GBE1: variants seen among roughly 807,000 people sequenced by gnomAD.
GBE1 encodes the protein 1,4-alpha-glucan branching enzyme 1, also known as 1,4-alpha-glucan-branching enzyme.
In GBE1, 70 loss-of-function variants were observed where a neutral mutation model predicts 88.8. The ratio of observed to expected loss-of-function variants is 0.79; its 90% confidence interval spans 0.65 to 0.96. The LOEUF is 0.96. Among genes scored for constraint, GBE1 ranks in the 40% least tolerant of loss-of-function variants. The pLI, the probability that GBE1 is intolerant of heterozygous loss-of-function variation, is 0.00. For missense variants in GBE1, 872 were observed against 871.0 expected (o/e 1.00, Z -0.01); for synonymous variants, 284 against 300.1 (o/e 0.95, Z 0.56).
chr3:81,509,295 T>C (rs943145152), intron 14 of GBE1, among the ~76,000 whole-genome samples: 1 of 83,920 alleles, frequency 1.2e-5, no homozygotes, highest in Non-Finnish European at 2.8e-5. Context: ...AGGGTTTGTC[T>C]TTTTTTTTTT....
chr3:81,565,533 T>C (rs976910268), intron 12 of GBE1, among the ~76,000 whole-genome samples: 1 of 152,134 alleles, frequency 6.6e-6, no homozygotes, highest in South Asian at 2.1e-4. Flanking sequence ...TAGGACAAAA[T>C]CCATCCAACT....
At chr3:81,508,484 C>T (rs1045392683) in intron 14 of GBE1, among the ~76,000 whole-genome samples, 1 of 152,008 alleles carries the variant, frequency 6.6e-6, no homozygotes, top group Admixed American at 6.6e-5. Context: ...TTTTTATTCA[C>T]CTTTTTAACC....
intron 14 of GBE1, among the ~76,000 whole-genome samples, chr3:81,501,685 A>ATTTTTTT (rs1702588024): frequency 1.6e-5 from 1 of 61,216 alleles, no homozygotes; most frequent in Non-Finnish European, 2.9e-5. Flanking sequence ...ACTTAGGGGC[A>ATTTTTTT]CTTTTTTTTT....
chr3:81,748,629 C>T (rs1406481036), intron 1 of GBE1, among the ~76,000 whole-genome samples: 2 of 151,066 alleles, frequency 1.3e-5, no homozygotes, highest in African/African-American at 4.9e-5. Flanking sequence ...ACAACAACAA[C>T]AACAAAAATT....
chr3:81,507,791 G>C (rs1291829684), intron 14 of GBE1, among the ~76,000 whole-genome samples: 1 of 151,948 alleles, frequency 6.6e-6, no homozygotes, highest in Non-Finnish European at 1.5e-5. Context: ...TCAAATGTGT[G>C]AACACTGTCT....
chr3:81,517,953 G>C (rs1433891362), intron 14 of GBE1, among the ~76,000 whole-genome samples: 1 of 151,230 alleles, frequency 6.6e-6, no homozygotes, highest in Non-Finnish European at 1.5e-5. Context: ...CAGGTACCTA[G>C]TGTATTCTAA....
intron 15 of GBE1, among the ~76,000 whole-genome samples, chr3:81,492,458 C>G (rs1159085996): frequency 1.3e-5 from 2 of 151,602 alleles, no homozygotes; most frequent in African/African-American, 2.4e-5. Flanking sequence ...AAAATGAACA[C>G]AAACCAAAGC....
chr3:81,686,229 A>T (rs967922015), intron 2 of GBE1, among the ~76,000 whole-genome samples: 3 of 152,206 alleles, frequency 2.0e-5, no homozygotes, highest in Non-Finnish European at 4.4e-5. Flanking sequence ...GACAGAGAAT[A>T]TGAAAGTAAG....
At chr3:81,737,464 T>A (rs927985288) in intron 1 of GBE1, among the ~76,000 whole-genome samples, 7 of 142,938 alleles carry the variant, frequency 4.9e-5, no homozygotes, top group African/African-American at 1.8e-4. Context: ...ATATAAAAAT[T>A]TCATATTGAT....
At chr3:81,550,436 A>C (rs1239230040) in intron 12 of GBE1, among the ~76,000 whole-genome samples, 1 of 151,452 alleles carries the variant, frequency 6.6e-6, no homozygotes, top group Non-Finnish European at 1.5e-5. Flanking sequence ...ATCCCTCTAT[A>C]ACCTTTAAGA....
chr3:81,536,864 G>A, intron 13 of GBE1, 47 bp downstream of exon 13: 1 of 1,419,600 alleles, frequency 7.0e-7, no homozygotes, highest in Non-Finnish European at 9.6e-7. Context: ...TTCTAGGCAT[G>A]TACCTCATTG....
chr3:81,525,863 G>A (rs1164994324), intron 14 of GBE1, among the ~76,000 whole-genome samples: 1 of 151,874 alleles, frequency 6.6e-6, no homozygotes, highest in Non-Finnish European at 1.5e-5. Flanking sequence ...GTATTTCTGG[G>A]GGTTGGTGGT....
intron 7 of GBE1, among the ~76,000 whole-genome samples, chr3:81,613,683 C>T (rs1256435955): frequency 3.9e-5 from 6 of 152,098 alleles, no homozygotes; most frequent in Admixed American, 3.3e-4. Flanking sequence ...TGACAGACAT[C>T]CTTGCAGTTT....
intron 7 of GBE1, among the ~76,000 whole-genome samples, chr3:81,622,216 C>T (rs867513127): frequency 6.6e-5 from 10 of 152,178 alleles, no homozygotes; most frequent in African/African-American, 2.4e-4. Context: ...ATCATTCCAA[C>T]AAAACCATTT....
intron 3 of GBE1, among the ~76,000 whole-genome samples, chr3:81,663,284 G>C (rs948969078): frequency 2.0e-5 from 3 of 152,148 alleles, no homozygotes; most frequent in Non-Finnish European, 4.4e-5. Context: ...GACCCCAGTG[G>C]GCAGACACAT....
chr3:81,673,776 A>T (rs953500971), intron 2 of GBE1, among the ~76,000 whole-genome samples: 2 of 151,942 alleles, frequency 1.3e-5, no homozygotes, highest in African/African-American at 4.8e-5. Context: ...TATACACTGT[A>T]AAAAACTTTT....
intron 3 of GBE1, among the ~76,000 whole-genome samples, chr3:81,662,291 C>A (rs879725370): frequency 7.2e-5 from 11 of 152,184 alleles, no homozygotes; most frequent in Non-Finnish European, 1.5e-4. Flanking sequence ...CTCGGCTTCC[C>A]AAAGTGCTGG....
chr3:81,553,976 G>A (rs1301187313), intron 12 of GBE1, among the ~76,000 whole-genome samples: 2 of 152,048 alleles, frequency 1.3e-5, no homozygotes, highest in Admixed American at 6.6e-5. Flanking sequence ...ATAAGACAAT[G>A]AACAAAGCAA....
At chr3:81,525,285 T>C (rs1345026219) in intron 14 of GBE1, among the ~76,000 whole-genome samples, 1 of 152,058 alleles carries the variant, frequency 6.6e-6, no homozygotes, top group Non-Finnish European at 1.5e-5. Flanking sequence ...TCTATTGAGA[T>C]AATCATGTGG....
Sources: allele counts gnomAD v4.1 joint callset (sites outside exome capture counted in the v4.1 genomes callset), GRCh38; gene constraint gnomAD v4.1.1; transcripts MANE v1.5; gene names NCBI Gene and HGNC (gene_info 2026-07-23, HGNC 2026-07-21).